Variants in ATRX observed in about 807,000 individuals in gnomAD.
The protein encoded by ATRX is chromatin remodeler ATRX.
ATRX carries 12 observed loss-of-function variants against 172.6 expected under a neutral mutation model. The observed-to-expected ratio is 0.07, with a 90% CI of 0.04 to 0.11. The LOEUF (loss-of-function observed/expected upper bound fraction) is 0.11. Among genes scored for constraint, ATRX ranks in the 10% least tolerant of loss-of-function variants. ATRX has a pLI of 1.00. For missense variants in ATRX, 1,368 were observed against 1,767.4 expected (o/e 0.77, Z 4.05); for synonymous variants, 674 against 594.7 (o/e 1.13, Z -1.94).
intron 1 of ATRX, among the ~76,000 whole-genome samples, chrX:77,778,381 C>T (rs2076430859): frequency 9.5e-6 from 1 of 105,414 alleles, no homozygotes. Flanking sequence ...CCCCACTGCA[C>T]TCCAGGCTGG....
At chrX:77,761,898 G>T (rs530589858) in intron 1 of ATRX, among the ~76,000 whole-genome samples, 3 of 111,325 alleles carry the variant, frequency 2.7e-5, no homozygotes, top group African/African-American at 9.8e-5. Context: ...TTGAAGTCAT[G>T]AAGTATTATT....
chrX:77,683,120 C>A lies in ATRX; in HGVS notation c.2136G>T (p.Lys712Asn), dbSNP rs2071344638. The change falls in exon 9 of 35, where the codon AAG (lysine) becomes AAT (asparagine). Residue 712 changes from lysine to asparagine, a missense_variant. Physicochemically the swap from Lys to Asn is moderately conservative, Grantham distance 94. Around this residue, in one of 17 missense-constraint regions of ATRX, gnomAD observed 843 missense variants for 643.1 expected, o/e 1.31. Coordinates refer to ENST00000373344, the MANE Select transcript of ATRX (RefSeq NM_000489.6). ...NSSDSAIDNP[K>N]PNKLPKSKQS... is the part of the protein sequence containing the mutation. ...GCTTAGATTTTGGCAATTTATTAGG[C>A]TTAGGATTATCTATAGCACTGTCAG... The A allele has an allele frequency of 1.7e-6, 2 of 1,208,941 alleles. No individual in the cohort carries two copies. The highest frequency in any genetic ancestry group is 2.2e-6 in the Non-Finnish European group (2 of 894,727).
At chrX:77,534,637 T>C (rs781871139) in intron 30 of ATRX, among the ~76,000 whole-genome samples, 71 of 111,440 alleles carry the variant, frequency 6.4e-4, no homozygotes, top group Non-Finnish European at 9.4e-4. Context: ...TTGTCTAAAC[T>C]TTTTTTTCCT....
chrX:77,587,163 T>C (rs1354887236), intron 27 of ATRX, among the ~76,000 whole-genome samples: 1 of 111,483 alleles, frequency 9.0e-6, no homozygotes, highest in East Asian at 2.8e-4. Context: ...ATGCAAGATA[T>C]AATAATACTT....
chrX:77,659,436 CTTA>C (rs1481135743), intron 12 of ATRX, among the ~76,000 whole-genome samples: 1 of 108,298 alleles, frequency 9.2e-6, no homozygotes, highest in Non-Finnish European at 1.9e-5. Flanking sequence ...CCTAAATTCA[CTTA>C]TTGTTAGCAG....
At position 77,593,666 on chromosome X, in the gene ATRX, T is replaced by C. The variant is rs539249311; in HGVS notation, c.6110+30A>G. On this transcript the variant is annotated intron_variant, in intron 26 of 34. Coordinates refer to ENST00000373344, the MANE Select transcript of ATRX (RefSeq NM_000489.6). ...AATAAAAACATAATCAAAAGGTTAA[T>C]TTATATAATAAATATGGTAAAGCAC... 14 of 1,172,814 alleles carry C rather than the reference T, an allele frequency of 1.2e-5. No homozygotes were observed. The South Asian group carries it at 2.4e-4, about 20-fold the overall frequency.
At chrX:77,587,055 T>TAA (rs782752762) in intron 27 of ATRX, among the ~76,000 whole-genome samples, 2 of 94,835 alleles carry the variant, frequency 2.1e-5, no homozygotes, top group African/African-American at 3.8e-5. Context: ...ACCCTGTCTC[T>TAA]AAAAAAAAAA....
chrX:77,646,257 G>T (rs929611331), intron 15 of ATRX, among the ~76,000 whole-genome samples: 1 of 111,704 alleles, frequency 9.0e-6, no homozygotes, highest in Non-Finnish European at 1.9e-5. Flanking sequence ...AACTGAAAGT[G>T]AAAGAATAGT....
At chrX:77,650,515 A>G (rs2069158966) in intron 15 of ATRX, among the ~76,000 whole-genome samples, 1 of 112,275 alleles carries the variant, frequency 8.9e-6, no homozygotes, top group South Asian at 3.6e-4. Context: ...GGTTAAAATT[A>G]GGTAAGAGAT....
At chrX:77,624,017 A>C (rs907466609) in intron 19 of ATRX, among the ~76,000 whole-genome samples, 8 of 110,851 alleles carry the variant, frequency 7.2e-5, no homozygotes, top group Non-Finnish European at 1.3e-4. Flanking sequence ...CACCCTCACC[A>C]CTCCTCTTCA....
rs1303421076 is a variant in ATRX, at chrX:77,507,713, A to C, written c.*638T>G. 1 of 174,428 alleles carries C rather than the reference A, an allele frequency of 5.7e-6. No homozygotes were observed. Among genetic ancestry groups the C allele is most frequent in the Non-Finnish European group, 1.1e-5 (1 of 91,353 alleles). 14.4% of individuals were successfully genotyped at this position (174,428 alleles called of 1,213,427 possible). A position where few individuals can be genotyped will look rare whatever the true frequency, so the allele number is the denominator to read the frequency against. Reference sequence around the variant, plus strand: ...ACTTAAGGCTGTTTATACAATGCTAAGATAACTGCAAGACTTCTCCAACTT... The same window carrying C: ...ACTTAAGGCTGTTTATACAATGCTACGATAACTGCAAGACTTCTCCAACTT... On this transcript the variant is annotated 3_prime_UTR_variant, in exon 35 of 35. Transcript: ENST00000373344.
At chrX:77,639,655 TTGA>T (rs782030380) in intron 15 of ATRX, among the ~76,000 whole-genome samples, 24 of 112,229 alleles carry the variant, frequency 2.1e-4, no homozygotes, top group African/African-American at 7.8e-4. Flanking sequence ...CATCAGTGAC[TTGA>T]TGATACTTTT....
chrX:77,732,123 C>G (rs2074323170), intron 1 of ATRX, among the ~76,000 whole-genome samples: 1 of 111,875 alleles, frequency 8.9e-6, no homozygotes, highest in South Asian at 3.7e-4. Context: ...CCCCATCAAC[C>G]TGGGTGCTGT....
rs2148574345 is a variant in ATRX, at chrX:77,681,859, C to G, written c.3397G>C (p.Glu1133Gln). The change falls in exon 9 of 35, where the codon GAA becomes CAA. Residue 1133 changes from glutamate to glutamine, a missense_variant. Physicochemically the swap from Glu to Gln is conservative, Grantham distance 29 (BLOSUM62 2). Transcript: ENST00000373344. Reference sequence around the variant, plus strand: ...CTTAAATTTCTTCTTTCCCTCAATTCTATTCTTTTCAGTCTCTTATCAGAA... The same window carrying G: ...CTTAAATTTCTTCTTTCCCTCAATTGTATTCTTTTCAGTCTCTTATCAGAA... ...NSSDKRLKRI[E>Q]LRERRNLSSK... 4 of 1,205,148 alleles carry G rather than the reference C, an allele frequency of 3.3e-6. No individual in the cohort carries two copies. Among genetic ancestry groups the G allele is most frequent in the Non-Finnish European group, 4.5e-6 (4 of 892,393 alleles).
intron 1 of ATRX, among the ~76,000 whole-genome samples, chrX:77,766,448 C>A (rs1255451152): frequency 1.8e-5 from 2 of 108,236 alleles, no homozygotes; most frequent in East Asian, 6.0e-4. Context: ...GGCGGAGGGG[C>A]TCCTCAATTC....
intron 22 of ATRX, among the ~76,000 whole-genome samples, chrX:77,602,969 G>GA (rs1225608319): frequency 2.7e-5 from 3 of 109,350 alleles, no homozygotes; most frequent in Non-Finnish European, 5.7e-5. Context: ...TTGTTTTTTT[G>GA]AAAAAAATAA....
In ATRX at chrX:77,506,052, C is replaced by G. The variant is rs1369198139; in HGVS notation, c.*2299G>C. ...ACATATACAATATCACAATACTAAG[C>G]AAAAACGCTTTACACCCAAAGAAAT... On this transcript the variant is annotated 3_prime_UTR_variant, in exon 35 of 35. Transcript: ENST00000373344. 5.9e-6 allele frequency: 1 copy of G among 169,044 alleles called. No individual in the cohort carries two copies. Among genetic ancestry groups the G allele is most frequent in the Admixed American group, 8.1e-5 (1 of 12,405 alleles). 13.9% of individuals were successfully genotyped at this position (169,044 alleles called of 1,213,427 possible). A position where few individuals can be genotyped will look rare whatever the true frequency, so the allele number is the denominator to read the frequency against.
rs1557103890 is a variant in ATRX at position 77,627,630 on chromosome X, A to G, written c.5134+5577T>C. On this transcript the variant is annotated intron_variant, in intron 19 of 34. Transcript: ENST00000373344. ...GTAACATAGTGAGATCCTCATCTCC[A>G]AATAATTATCTAGGTGTTGTCAGGA... Among the ~76,000 whole-genome samples, 3 of 107,688 alleles carry G rather than the reference A, an allele frequency of 2.8e-5. No homozygotes were observed. The East Asian group carries it at 8.8e-4, about 32-fold the overall frequency. The allele number at this position is 107,688 out of a possible 115,157, so 93.5% of individuals were successfully genotyped here.
intron 22 of ATRX, among the ~76,000 whole-genome samples, chrX:77,602,536 G>A (rs1382233030): frequency 1.8e-5 from 2 of 108,734 alleles, no homozygotes; most frequent in Admixed American, 2.0e-4. Context: ...TTTTAATACA[G>A]GTATTTACCA....
Sources: gnomAD v4.1 joint callset for allele counts (sites outside exome capture counted in the v4.1 genomes callset) on GRCh38, gnomAD v4.1.1 for gene constraint, gnomAD v4.1.1 regional missense constraint, MANE v1.5 for transcripts, NCBI Gene and HGNC (gene_info 2026-07-23, HGNC 2026-07-21) for gene names.